TLCD4: variants seen among roughly 807,000 people sequenced by gnomAD.
TLCD4 encodes the protein TLC domain containing 4, also known as TLC domain-containing protein 4.
TLCD4 carries 7 observed loss-of-function variants against 24.2 expected under a neutral mutation model. The ratio of observed to expected loss-of-function variants is 0.29; its 90% CI spans 0.16 to 0.54. TLCD4 has a LOEUF of 0.54. Among genes scored for constraint, TLCD4 ranks in the 20% least tolerant of loss-of-function variants. The pLI, the probability that TLCD4 is intolerant of heterozygous loss-of-function variation, is 0.95. For missense variants in TLCD4, 259 were observed against 313.9 expected, an observed-to-expected ratio of 0.82 and a Z score of 1.32; for synonymous variants, 103 against 106.4, an observed-to-expected ratio of 0.97 and a Z score of 0.20.
At chr1:95,109,954 T>TACAC in the TLCD4 span, among the ~76,000 whole-genome samples, 3 of 68,486 alleles carry the variant, frequency 4.4e-5, no homozygotes, top group African/African-American at 6.1e-5. Context: ...TATATATATA[T>TACAC]ATATACACAC....
intron 5 of TLCD4, among the ~76,000 whole-genome samples, chr1:95,155,894 T>C (rs1338180711): frequency 2.0e-5 from 3 of 152,022 alleles, no homozygotes; most frequent in Non-Finnish European, 4.4e-5. Flanking sequence ...ATTAGGGATG[T>C]AAGATTTAAA....
At chr1:95,163,193 G>A (rs114847949) in intron 5 of TLCD4, 31,872 of 152,022 alleles carry the variant, frequency 0.21, 3,434 homozygotes, top group Admixed American at 0.25. Flanking sequence ...CAGAGGCTTC[G>A]TTCATTTCTT....
At chr1:95,151,560 G>A in intron 5 of TLCD4, 141 bp downstream of exon 5, 1 of 919,196 alleles carries the variant, frequency 1.1e-6, no homozygotes. Context: ...TTTGTGGTAT[G>A]CTATCTTCTG....
chr1:95,121,564 G>A (rs1174887945), intron 1 of TLCD4, among the ~76,000 whole-genome samples: 9 of 152,168 alleles, frequency 5.9e-5, no homozygotes, highest in African/African-American at 1.7e-4. Flanking sequence ...TCCGCCTCCC[G>A]GCTTCAAGTG....
At chr1:95,107,083 T>G in the TLCD4 span, among the ~76,000 whole-genome samples, 1 of 152,146 alleles carries the variant, frequency 6.6e-6, no homozygotes, top group Non-Finnish European at 1.5e-5. Context: ...AGATAAGAAA[T>G]TTGTAAGGGA....
At chr1:95,182,123 T>C (rs1678667349) in intron 6 of TLCD4, among the ~76,000 whole-genome samples, 1 of 152,250 alleles carries the variant, frequency 6.6e-6, no homozygotes, top group South Asian at 2.1e-4. Flanking sequence ...AATTTTCCAA[T>C]ATTCTGATTT....
At chr1:95,171,239 A>G (rs567830320) in intron 5 of TLCD4, among the ~76,000 whole-genome samples, 2 of 152,264 alleles carry the variant, frequency 1.3e-5, no homozygotes, top group Admixed American at 1.3e-4. Flanking sequence ...TTTGTGAGCC[A>G]CCATGCCCAG....
At chr1:95,129,801 GTCT>G (rs1209483411) in intron 1 of TLCD4, among the ~76,000 whole-genome samples, 1 of 152,168 alleles carries the variant, frequency 6.6e-6, no homozygotes, top group Non-Finnish European at 1.5e-5. Context: ...TCCTAGCTTG[GTCT>G]TCTTTTCCTC....
intron 5 of TLCD4, among the ~76,000 whole-genome samples, chr1:95,160,902 G>T (rs190228809): frequency 1.1e-4 from 17 of 152,286 alleles, no homozygotes; most frequent in African/African-American, 3.9e-4. Context: ...GATTTGGTTT[G>T]CCAGTATTTT....
chr1:95,178,798 C>T (rs1001550422), intron 6 of TLCD4, among the ~76,000 whole-genome samples: 1 of 152,124 alleles, frequency 6.6e-6, no homozygotes, highest in Admixed American at 6.5e-5. Context: ...TTTAATATTA[C>T]CTATTTCTTT....
chr1:95,168,764 G>A (rs1367924550), intron 5 of TLCD4, among the ~76,000 whole-genome samples: 2 of 152,048 alleles, frequency 1.3e-5, no homozygotes, highest in African/African-American at 4.8e-5. Context: ...TGATGTGCTT[G>A]TTTAACAGCA....
intron 6 of TLCD4, among the ~76,000 whole-genome samples, chr1:95,178,563 C>CTCTT (rs1553172494): frequency 9.1e-4 from 75 of 82,396 alleles, no homozygotes; most frequent in African/African-American, 3.5e-3. Context: ...ATGCCCAGCC[C>CTCTT]TTTTTTTTTT....
At chr1:95,131,915 G>T (rs1009687393) in intron 1 of TLCD4, among the ~76,000 whole-genome samples, 1 of 152,136 alleles carries the variant, frequency 6.6e-6, no homozygotes, top group African/African-American at 2.4e-5. Flanking sequence ...TGAGTGGCTT[G>T]GTGCCATTCT....
intron 1 of TLCD4, among the ~76,000 whole-genome samples, chr1:95,129,952 A>G (rs953806795): frequency 6.6e-6 from 1 of 152,212 alleles, no homozygotes; most frequent in African/African-American, 2.4e-5. Flanking sequence ...CAGAAAAGAA[A>G]AAGAGGTGGA....
chr1:95,160,079 C>T (rs1287036778), intron 5 of TLCD4, among the ~76,000 whole-genome samples: 1 of 152,164 alleles, frequency 6.6e-6, no homozygotes, highest in Admixed American at 6.5e-5. Flanking sequence ...GGCATTGAAT[C>T]TATAAATTAC....
Position 95,151,438 on chromosome 1 carries a change from T to G in TLCD4, c.399+19T>G. On this transcript the variant is annotated intron_variant, in intron 5 of 6. Coordinates refer to ENST00000370203, the MANE Select transcript of TLCD4 (RefSeq NM_152487.3). The stretch of plus-strand genomic sequence containing the variant: ...TGTACTGGTGAGTTCCAGGATTTTC[T>G]GTAGCCTAACTAGCAGACAAGATTG... The G allele has an allele frequency of 6.2e-7, 1 of 1,608,638 alleles. No homozygotes were observed. The highest frequency in any genetic ancestry group is 8.5e-7 in the Non-Finnish European group (1 of 1,177,090).
intron 1 of TLCD4, among the ~76,000 whole-genome samples, chr1:95,133,878 T>G (rs1218066277): frequency 6.6e-6 from 1 of 151,854 alleles, no homozygotes; most frequent in Non-Finnish European, 1.5e-5. Context: ...AGGATTAGGA[T>G]TTTGTCAACT....
At chr1:95,183,608 G>T (rs946884420) in intron 6 of TLCD4, among the ~76,000 whole-genome samples, 6 of 152,204 alleles carry the variant, frequency 3.9e-5, no homozygotes, top group African/African-American at 2.4e-5. Flanking sequence ...GGAGGCCGAG[G>T]CGAGCAGATC....
intron 5 of TLCD4, among the ~76,000 whole-genome samples, chr1:95,169,749 C>T (rs1407486158): frequency 6.6e-6 from 1 of 152,004 alleles, no homozygotes; most frequent in Non-Finnish European, 1.5e-5. Flanking sequence ...GATCACAGCT[C>T]ACAGCCACAC....
Sources: allele counts gnomAD v4.1 joint callset (sites outside exome capture counted in the v4.1 genomes callset), GRCh38; gene constraint gnomAD v4.1.1; transcripts MANE v1.5; gene names NCBI Gene and HGNC (gene_info 2026-07-23, HGNC 2026-07-21).